The following EFHC1 variants were observed in gnomAD, a reference collection of about 807,000 sequenced individuals.
EFHC1 encodes the protein EF-hand domain-containing protein 1.
A neutral mutation model predicts 69.9 loss-of-function variants in EFHC1; 53 were observed. The ratio of observed to expected loss-of-function variants is 0.76; its 90% CI spans 0.61 to 0.95. The LOEUF (loss-of-function observed/expected upper bound fraction) is 0.95. Ranked by LOEUF, EFHC1 falls within the 40% of genes least tolerant of loss-of-function variation. The pLI, the probability that EFHC1 is intolerant of heterozygous loss-of-function variation, is 0.00. For synonymous variants in EFHC1, 256 were observed against 278.4 expected (o/e 0.92, Z 0.80); for missense variants, 739 against 798.7 (o/e 0.93, Z 0.90).
At chr6:52,453,928 T>C (rs762768649) in intron 4 of EFHC1, 167 bp from the exon 5 acceptor site, 1 of 1,488,908 alleles carries the variant, frequency 6.7e-7, no homozygotes, top group South Asian at 1.2e-5. Context: ...TTTCAGATGT[T>C]TTAGTATGTT....
chr6:52,457,488 T>C (rs1222790336), intron 5 of EFHC1, among the ~76,000 whole-genome samples: 1 of 152,182 alleles, frequency 6.6e-6, no homozygotes, highest in Non-Finnish European at 1.5e-5. Context: ...TAGACAGTAA[T>C]AGGAAATTAT....
intron 2 of EFHC1, among the ~76,000 whole-genome samples, chr6:52,431,041 A>G (rs1429156050): frequency 2.6e-5 from 4 of 152,078 alleles, no homozygotes; most frequent in African/African-American, 7.2e-5. Context: ...GTCAGTTGTA[A>G]TATCTTCCAT....
At position 52,496,952 on chromosome 6, in the gene EFHC1, A is replaced by C. The variant is rs1766079149; in HGVS notation, c.*4611A>C. On this transcript the variant is annotated 3_prime_UTR_variant, in exon 11 of 11. Coordinates refer to ENST00000371068, the MANE Select transcript of EFHC1 (RefSeq NM_018100.4). ...AGCCAACAGCAGCCATGTAAGTGAC[A>C]CCAGCAATCCCCACTATTACTAATA... The C allele has an allele frequency of 6.6e-6, 1 of 152,244 alleles. No homozygotes were observed. The highest frequency in any genetic ancestry group is 2.1e-4 in the South Asian group (1 of 4,832). 9.4% of individuals were successfully genotyped at this position (152,244 alleles called of 1,614,324 possible).
rs1562467565 is a variant in EFHC1, at chr6:52,493,370, A to ATATG, written c.*1032_*1033insGTAT. 1 of 190,716 alleles carries ATATG rather than the reference A, an allele frequency of 5.2e-6. No individual in the cohort carries two copies. The highest frequency in any genetic ancestry group is 1.0e-5 in the Non-Finnish European group (1 of 96,784). 11.8% of individuals were successfully genotyped at this position (190,716 alleles called of 1,614,324 possible). A position where few individuals can be genotyped will look rare whatever the true frequency, so the allele number is the denominator to read the frequency against. ...TCTCTCTTTCTCTCTCTCTACATAT[A>ATATG]TATATATATATATATTTTATATGTA... On this transcript the variant is annotated 3_prime_UTR_variant, in exon 11 of 11. Transcript: ENST00000371068.
At chr6:52,446,316 G>A (rs1233763516) in intron 3 of EFHC1, among the ~76,000 whole-genome samples, 5 of 152,154 alleles carry the variant, frequency 3.3e-5, no homozygotes, top group Non-Finnish European at 5.9e-5. Context: ...ATTATGTAAC[G>A]ACATTCTTTG....
chr6:52,439,378 T>C (rs1324300137), intron 3 of EFHC1, among the ~76,000 whole-genome samples: 2 of 152,206 alleles, frequency 1.3e-5, no homozygotes, highest in African/African-American at 2.4e-5. Context: ...CATTATTGTT[T>C]TCATTTAGTA....
chr6:52,487,730 CA>C (rs1235254896), intron 9 of EFHC1: 1 of 152,240 alleles, frequency 6.6e-6, no homozygotes, highest in Non-Finnish European at 1.5e-5. Flanking sequence ...CTCTATAAAA[CA>C]CGTTCACTTT....
At chr6:52,458,142 T>A (rs1446251136) in intron 5 of EFHC1, among the ~76,000 whole-genome samples, 1 of 152,170 alleles carries the variant, frequency 6.6e-6, no homozygotes, top group East Asian at 1.9e-4. Flanking sequence ...GCTGGAACAA[T>A]TCAATAGCCT....
chr6:52,433,327 G>C (rs1256680434), intron 2 of EFHC1, among the ~76,000 whole-genome samples: 4 of 152,122 alleles, frequency 2.6e-5, no homozygotes, highest in African/African-American at 9.7e-5. Flanking sequence ...GAAGGTATAG[G>C]GCTCAAGGCT....
At chr6:52,480,270 A>G (rs900149329) in intron 9 of EFHC1, 8 of 204,620 alleles carry the variant, frequency 3.9e-5, no homozygotes, top group Non-Finnish European at 6.9e-5. Flanking sequence ...AAAGGTCTTC[A>G]TCCTTATCTT....
intron 7 of EFHC1, among the ~76,000 whole-genome samples, chr6:52,471,738 T>C (rs1765439782): frequency 6.6e-6 from 1 of 152,032 alleles, no homozygotes; most frequent in Non-Finnish European, 1.5e-5. Flanking sequence ...CATGGTGGCA[T>C]GCACCTGTAA....
intron 7 of EFHC1, among the ~76,000 whole-genome samples, chr6:52,477,846 A>G (rs3933248): frequency 0.18 from 27,385 of 152,172 alleles, 2,930 homozygotes; most frequent in Non-Finnish European, 0.24. Context: ...GACTAGTTCA[A>G]CCATTGTGGA....
At chr6:52,461,462 A>G (rs532548679) in intron 5 of EFHC1, among the ~76,000 whole-genome samples, 6 of 152,188 alleles carry the variant, frequency 3.9e-5, no homozygotes, top group Non-Finnish European at 8.8e-5. Flanking sequence ...TCTTTATTCA[A>G]TCTGTCATTG....
chr6:52,469,199 CTA>C, intron 6 of EFHC1, 132 bp from the exon 7 acceptor site: 1 of 1,152,588 alleles, frequency 8.7e-7, no homozygotes, highest in Non-Finnish European at 1.2e-6. Context: ...TATTTTCTGA[CTA>C]TATTTGTTTA....
intron 3 of EFHC1, among the ~76,000 whole-genome samples, chr6:52,451,115 T>G (rs1455937767): frequency 1.8e-4 from 28 of 152,218 alleles, no homozygotes; most frequent in Non-Finnish European, 2.9e-5. Context: ...GCCTTTTAAA[T>G]GGGGCCTTTA....
chr6:52,439,997 T>C (rs1009658906), intron 3 of EFHC1, among the ~76,000 whole-genome samples: 5 of 152,152 alleles, frequency 3.3e-5, no homozygotes, highest in Non-Finnish European at 5.9e-5. Flanking sequence ...ACAATTATTT[T>C]TACAGTTGTG....
At chr6:52,444,829 T>G (rs1174318166) in intron 3 of EFHC1, among the ~76,000 whole-genome samples, 7 of 152,220 alleles carry the variant, frequency 4.6e-5, no homozygotes, top group Admixed American at 3.9e-4. Context: ...GGATTCCCTC[T>G]TTTTCTATTG....
In EFHC1 at chr6:52,424,075, T is replaced by C. The variant is rs1446751126; in HGVS notation, c.193T>C (p.Leu65=). The C allele has an allele frequency of 6.2e-7, 1 of 1,613,618 alleles. No individual in the cohort carries two copies. The highest frequency in any genetic ancestry group is 8.5e-7 in the Non-Finnish European group (1 of 1,179,910). Residue 65 remains leucine, a synonymous_variant, in exon 2 of 11, where the codon TTG becomes CTG. Coordinates refer to ENST00000371068, the MANE Select transcript of EFHC1 (RefSeq NM_018100.4). Reference sequence around the variant, plus strand: ...GCTGTCCCAGGCTGAGCTGGATGAGTTGGCCAGTAAGGCACCAGTCTTAAC... The same window carrying C: ...GCTGTCCCAGGCTGAGCTGGATGAGCTGGCCAGTAAGGCACCAGTCTTAAC... ...NQLSQAELDE[L]ASKAPVLTYG...
chr6:52,495,567 T>C lies in EFHC1; in HGVS notation c.*3226T>C, dbSNP rs1766034171. 1 of 454,006 alleles carries C rather than the reference T, an allele frequency of 2.2e-6. No homozygotes were observed. The highest frequency in any genetic ancestry group is 2.0e-5 in the African/African-American group (1 of 50,018). 28.1% of individuals were successfully genotyped at this position (454,006 alleles called of 1,614,324 possible). ...AAGTCTCATTTAGCATCCTCTAGCC[T>C]GCTTTTGGCTGTTTTGTTTTGTTTT... On this transcript the variant is annotated 3_prime_UTR_variant, in exon 11 of 11. Transcript: ENST00000371068.
Sources: allele counts gnomAD v4.1 joint callset (sites outside exome capture counted in the v4.1 genomes callset), GRCh38; gene constraint gnomAD v4.1.1; transcripts MANE v1.5; gene names NCBI Gene and HGNC (gene_info 2026-07-23, HGNC 2026-07-21).